Variants in GSE1 observed in about 807,000 individuals in gnomAD.
GSE1 encodes the protein Gse1 coiled-coil protein.
Under a neutral mutation model 112.6 loss-of-function variants are expected in GSE1, and 32 were observed. The observed-to-expected ratio is 0.28, with a 90% confidence interval of 0.21 to 0.38. The LOEUF (loss-of-function observed/expected upper bound fraction) is 0.38. Among genes scored for constraint, GSE1 ranks in the 10% least tolerant of loss-of-function variants. The pLI is 1.00. For synonymous variants in GSE1, 1,115 were observed against 735.6 expected, an observed-to-expected ratio of 1.52 and a Z score of -8.35; for missense variants, 2,348 against 1,699.2, an observed-to-expected ratio of 1.38 and a Z score of -6.71.
At chr16:85,197,163 C>T (rs909247547) in intron 1 of GSE1, among the ~76,000 whole-genome samples, 1 of 152,098 alleles carries the variant, frequency 6.6e-6, no homozygotes, top group African/African-American at 2.4e-5. Context: ...CGGAGCCTGG[C>T]GGGGAAGCCA....
In GSE1 at chr16:85,668,130, C is replaced by G; in HGVS notation, c.3131-10C>G. On this transcript the variant is annotated splice_polypyrimidine_tract_variant and intron_variant, in intron 13 of 15. Transcript: ENST00000253458. ...CCAACACACTGATGCAAGCCCTGTC[C>G]CCTCCACAGGGAGCGTGGCTGTGCT... 1.3e-6 allele frequency: 2 copies of G among 1,554,274 alleles called. No individual in the cohort carries two copies. Among genetic ancestry groups the G allele is most frequent in the Non-Finnish European group, 1.7e-6 (2 of 1,145,932 alleles).
At chr16:85,250,954 C>T (rs1318087096) in intron 1 of GSE1, among the ~76,000 whole-genome samples, 1 of 152,180 alleles carries the variant, frequency 6.6e-6, no homozygotes, top group Non-Finnish European at 1.5e-5. Flanking sequence ...TCACTCGGCG[C>T]CTGGTTTCCG....
chr16:85,595,461 C>A (rs569160766), intron 1 of GSE1: 3 of 152,164 alleles, frequency 2.0e-5, no homozygotes, highest in Non-Finnish European at 4.4e-5. Context: ...GCTGAGAACC[C>A]CTCAGGGCAG....
intron 1 of GSE1, among the ~76,000 whole-genome samples, chr16:85,629,868 T>A (rs1371573115): frequency 1.3e-5 from 2 of 152,214 alleles, no homozygotes; most frequent in African/African-American, 4.8e-5. Context: ...CCGTATCAGT[T>A]ATCTAGCGTT....
At position 85,672,717 on chromosome 16, in the gene GSE1, C is replaced by T; in HGVS notation, c.*178C>T. The T allele has an allele frequency of 4.6e-6, 2 of 430,866 alleles. No homozygotes were observed. The highest frequency in any genetic ancestry group is 3.4e-5 in the East Asian group (1 of 29,220). 26.7% of individuals were successfully genotyped at this position (430,866 alleles called of 1,614,324 possible). ...GAATGAACTCACCTTGACGTCAATG[C>T]AATTGAATCACCGTTGTCATTCAGC... On this transcript the variant is annotated 3_prime_UTR_variant, in exon 16 of 16. Coordinates refer to ENST00000253458, the MANE Select transcript of GSE1 (RefSeq NM_014615.5).
rs369861498 is a variant in GSE1 at position 85,670,983 on chromosome 16, C to A, written c.3416-12C>A. 10 of 1,555,246 alleles carry A rather than the reference C, an allele frequency of 6.4e-6. No individual in the cohort carries two copies. Among genetic ancestry groups the A allele is most frequent in the Admixed American group, 3.3e-5 (2 of 59,794 alleles). On this transcript the variant is annotated splice_polypyrimidine_tract_variant and intron_variant, in intron 14 of 15. Coordinates refer to ENST00000253458, the MANE Select transcript of GSE1 (RefSeq NM_014615.5). ...CATACGGAAAATACATCACCATCTC[C>A]TGTCTTTTCAGAGCAAAATCTGGAG...
At chr16:85,367,879 C>T (rs2047217028) in intron 2 of GSE1, among the ~76,000 whole-genome samples, 1 of 114,254 alleles carries the variant, frequency 8.8e-6, no homozygotes, top group Non-Finnish European at 1.7e-5. Context: ...GATGGAGTTT[C>T]ACTCTTGTTG....
At chr16:85,555,151 C>G, upstream of GSE1, 1 of 985,456 alleles carries the variant, frequency 1.0e-6, no homozygotes, top group Non-Finnish European at 1.2e-6. Flanking sequence ...CGCCCCTACC[C>G]TTTCGCTTTC....
intron 2 of GSE1, among the ~76,000 whole-genome samples, chr16:85,363,850 C>G (rs1191594472): frequency 6.6e-6 from 1 of 152,142 alleles, no homozygotes; most frequent in African/African-American, 2.4e-5. Flanking sequence ...ACACAGCATG[C>G]CCTCCGTCTC....
intron 1 of GSE1, among the ~76,000 whole-genome samples, chr16:85,278,346 T>C (rs185851035): frequency 8.1e-4 from 123 of 152,370 alleles, no homozygotes; most frequent in African/African-American, 2.9e-3. Flanking sequence ...AGCAGGGTGC[T>C]CTGAGCACCC....
intron 1 of GSE1, among the ~76,000 whole-genome samples, chr16:85,567,723 A>G (rs2045819520): frequency 6.6e-6 from 1 of 152,238 alleles, no homozygotes; most frequent in African/African-American, 2.4e-5. Flanking sequence ...GTTAGGCTTC[A>G]TCTCTTTTTG....
At chr16:85,664,473 T>G (rs3812967) in intron 11 of GSE1, 69,604 of 152,250 alleles carry the variant, frequency 0.46, 16,311 homozygotes, top group East Asian at 0.72. Flanking sequence ...CAAAGCATCT[T>G]TTTCCCTGAA....
intron 1 of GSE1, among the ~76,000 whole-genome samples, chr16:85,560,362 C>T (rs1384982274): frequency 6.6e-6 from 1 of 152,046 alleles, no homozygotes; most frequent in African/African-American, 2.4e-5. Context: ...GTCTCGATCT[C>T]TTGACCTGCC....
intron 1 of GSE1, among the ~76,000 whole-genome samples, chr16:85,253,659 C>A (rs988198571): frequency 6.6e-6 from 1 of 152,198 alleles, no homozygotes; most frequent in Non-Finnish European, 1.5e-5. Flanking sequence ...AGAGGAAGGA[C>A]ATCCCGCCCA....
Position 85,668,186 on chromosome 16 carries a change from G to A in GSE1, c.3177G>A (p.Thr1059=), listed in dbSNP as rs959431877. The change falls in exon 14 of 16, where the codon ACG becomes ACA. Residue 1059 remains threonine (T), a synonymous_variant. Coordinates refer to ENST00000253458, the MANE Select transcript of GSE1 (RefSeq NM_014615.5). ...LSAEQNHKVD[T]SVHYNIPELQ... ...CAGAGCAGAACCACAAGGTTGACAC[G>A]TCCGTCCACTACAACATTCCTGAGC... 9 of 1,609,048 alleles carry A rather than the reference G, an allele frequency of 5.6e-6. No homozygotes were observed. Among genetic ancestry groups the A allele is most frequent in the African/African-American group, 4.0e-5 (3 of 74,808 alleles).
At chr16:85,377,767 A>G (rs899248717) in intron 2 of GSE1, among the ~76,000 whole-genome samples, 9 of 152,208 alleles carry the variant, frequency 5.9e-5, no homozygotes, top group African/African-American at 2.2e-4. Context: ...ATTTGTAAAC[A>G]TGGGCAGGGT....
chr16:85,492,501 C>G (rs1477170802), intron 2 of GSE1, among the ~76,000 whole-genome samples: 1 of 152,206 alleles, frequency 6.6e-6, no homozygotes, highest in East Asian at 1.9e-4. Flanking sequence ...GAGGGCCTCA[C>G]CCACGTTCAC....
chr16:85,579,115 G>A (rs949966409), intron 1 of GSE1, among the ~76,000 whole-genome samples: 1 of 152,178 alleles, frequency 6.6e-6, no homozygotes, highest in Admixed American at 6.5e-5. Flanking sequence ...AGAGAACTTG[G>A]GAGAAGTGGG....
chr16:85,627,915 C>T (rs2049214799), intron 1 of GSE1, among the ~76,000 whole-genome samples: 1 of 152,232 alleles, frequency 6.6e-6, no homozygotes, highest in Non-Finnish European at 1.5e-5. Context: ...GCACTGACCT[C>T]AGCCAGAGAA....
Sources: gnomAD v4.1 joint callset for allele counts (sites outside exome capture counted in the v4.1 genomes callset) on GRCh38, gnomAD v4.1.1 for gene constraint, MANE v1.5 for transcripts, NCBI Gene and HGNC (gene_info 2026-07-23, HGNC 2026-07-21) for gene names.